The following CTNNA2 variants were observed in gnomAD, a reference collection of about 807,000 sequenced individuals.
CTNNA2 encodes catenin alpha-2.
A neutral mutation model predicts 101.0 loss-of-function variants in CTNNA2; 42 were observed. The ratio of observed to expected loss-of-function variants is 0.42; its 90% confidence interval spans 0.32 to 0.54. The LOEUF (loss-of-function observed/expected upper bound fraction) is 0.54. Ranked by LOEUF, CTNNA2 falls within the 20% of genes least tolerant of loss-of-function variation. The pLI is 0.14. For missense variants in CTNNA2, 871 were observed against 1,223.1 expected (o/e 0.71, Z 4.29); for synonymous variants, 450 against 456.4 (o/e 0.99, Z 0.18).
intron 4 of CTNNA2, among the ~76,000 whole-genome samples, chr2:79,450,910 T>A (rs1670737867): frequency 6.6e-6 from 1 of 152,132 alleles, no homozygotes; most frequent in Admixed American, 6.6e-5. Flanking sequence ...TCTAGCAGTT[T>A]AGGACATAAG....
rs36104924 is a variant in CTNNA2 at position 80,568,566 on chromosome 2, C to CGTGTGTGTGT, written c.1742-5575_1742-5566dup. On this transcript the variant is annotated intron_variant, in intron 12 of 18. Coordinates refer to ENST00000402739, the MANE Select transcript of CTNNA2 (RefSeq NM_001282597.3). ...GTATACTGAGTGCTATAATGGTGTGCGTGTGTGTGTGTGTGTGTGTGTGTG... is the reference window on the plus strand; with the variant it reads ...GTATACTGAGTGCTATAATGGTGTGCGTGTGTGTGTGTGTGTGTGTGTGTGTGTGTGTGTG... Among the ~76,000 whole-genome samples the CGTGTGTGTGT allele has an allele frequency of 2.6e-3, 384 of 149,424 alleles. 2 individuals carry two copies. Among genetic ancestry groups the CGTGTGTGTGT allele is most frequent in the East Asian group, 8.8e-3 (44 of 5,012 alleles).
intron 9 of CTNNA2, among the ~76,000 whole-genome samples, chr2:80,520,420 C>A (rs901671260): frequency 1.3e-5 from 2 of 152,086 alleles, no homozygotes; most frequent in Non-Finnish European, 2.9e-5. Flanking sequence ...GGCTGAGGGC[C>A]CTTGTCGGTT....
intron 7 of CTNNA2, among the ~76,000 whole-genome samples, chr2:79,972,380 G>A (rs1353041512): frequency 6.6e-6 from 1 of 152,126 alleles, no homozygotes; most frequent in Non-Finnish European, 1.5e-5. Context: ...AGAGTGGTGA[G>A]TATAAACATG....
intron 3 of CTNNA2, among the ~76,000 whole-genome samples, chr2:79,323,752 T>C (rs1459473528): frequency 1.3e-5 from 2 of 152,284 alleles, no homozygotes; most frequent in East Asian, 1.9e-4. Flanking sequence ...CCTGGGAAAG[T>C]CTTTTGGGTA....
intron 4 of CTNNA2, among the ~76,000 whole-genome samples, chr2:79,425,921 AAC>A (rs1391349648): frequency 4.6e-5 from 7 of 152,190 alleles, no homozygotes; most frequent in African/African-American, 1.7e-4. Context: ...TCAAATGAAT[AAC>A]ACATCCGTGG....
rs558337411 is a variant in CTNNA2, at chr2:80,370,922, AT to A, written c.1057-22283del. Among the ~76,000 whole-genome samples the A allele has an allele frequency of 7.2e-5, 11 of 152,284 alleles. No individual in the cohort carries two copies. The South Asian group carries it at 2.1e-3, about 29-fold the overall frequency. The stretch of plus-strand genomic sequence containing the variant: ...CCCAATGAAATAAGTAAATCTACAT[AT>A]TTTTTAATGCTAGGTTTGATGATGA... On this transcript the variant is annotated intron_variant, in intron 7 of 18. Transcript: ENST00000402739.
intron 3 of CTNNA2, among the ~76,000 whole-genome samples, chr2:79,774,779 A>G (rs1278639884): frequency 3.3e-5 from 5 of 152,182 alleles, no homozygotes; most frequent in Admixed American, 3.3e-4. Flanking sequence ...TTCTGGCCCA[A>G]TATTAGGAAA....
intron 7 of CTNNA2, among the ~76,000 whole-genome samples, chr2:80,246,829 C>T (rs1473071759): frequency 1.3e-5 from 2 of 152,186 alleles, no homozygotes; most frequent in East Asian, 3.8e-4. Context: ...CTCCAGGCCA[C>T]TTACATTAAC....
At chr2:80,371,488 A>G (rs1573870811) in intron 7 of CTNNA2, among the ~76,000 whole-genome samples, 1 of 150,102 alleles carries the variant, frequency 6.7e-6, no homozygotes, top group Middle Eastern at 3.4e-3. Context: ...AGAAAGATGC[A>G]TGAAGTGCAG....
intron 2 of CTNNA2, among the ~76,000 whole-genome samples, chr2:79,676,050 C>T (rs372241021): frequency 7.2e-4 from 110 of 152,274 alleles, no homozygotes; most frequent in African/African-American, 2.5e-3. Flanking sequence ...TGCCTGTTGA[C>T]CCAGCTGGTC....
At chr2:80,531,169 C>T (rs1276230674) in intron 9 of CTNNA2, among the ~76,000 whole-genome samples, 2 of 152,290 alleles carry the variant, frequency 1.3e-5, no homozygotes, top group African/African-American at 4.8e-5. Flanking sequence ...CAGGTTGTCT[C>T]CCCTACCCCA....
At chr2:80,215,958 A>G (rs1708240159) in intron 7 of CTNNA2, among the ~76,000 whole-genome samples, 1 of 152,166 alleles carries the variant, frequency 6.6e-6, no homozygotes, top group Admixed American at 6.5e-5. Flanking sequence ...AGCCTCAGCA[A>G]TGGCAGACAC....
chr2:80,051,365 G>A (rs1201469756), intron 7 of CTNNA2, among the ~76,000 whole-genome samples: 2 of 152,104 alleles, frequency 1.3e-5, no homozygotes, highest in Admixed American at 6.6e-5. Flanking sequence ...ATAATGGTTG[G>A]AACATGTTTC....
chr2:80,600,144 A>C (rs947713990), intron 15 of CTNNA2, among the ~76,000 whole-genome samples: 1 of 152,108 alleles, frequency 6.6e-6, no homozygotes, highest in African/African-American at 2.4e-5. Flanking sequence ...TTGTCCAGGG[A>C]CAATTGGTTA....
In CTNNA2 at chr2:79,231,987, A is replaced by G. The variant is rs540651832; in HGVS notation, c.-406+33911A>G. On this transcript the variant is annotated intron_variant, in intron 2 of 21. Coordinates refer to the CTNNA2 transcript ENST00000466387. ...ATCTTTGGAGTTTTCTAGGTATAGAATCATATTGTCAGCAAAGAGAGATAG... is the reference window on the plus strand; with the variant it reads ...ATCTTTGGAGTTTTCTAGGTATAGAGTCATATTGTCAGCAAAGAGAGATAG... Among the ~76,000 whole-genome samples, 10 of 152,276 alleles carry G rather than the reference A, an allele frequency of 6.6e-5. No individual in the cohort carries two copies. The East Asian group carries it at 1.9e-3, about 29-fold the overall frequency.
chr2:80,495,008 T>G (rs1444227167), intron 9 of CTNNA2, among the ~76,000 whole-genome samples: 1 of 152,192 alleles, frequency 6.6e-6, no homozygotes, highest in Non-Finnish European at 1.5e-5. Flanking sequence ...ATCTGCAGCA[T>G]GAACTGTGGT....
chr2:79,507,680 G>T (rs1671443212), intron 5 of CTNNA2, among the ~76,000 whole-genome samples: 1 of 152,156 alleles, frequency 6.6e-6, no homozygotes, highest in South Asian at 2.1e-4. Flanking sequence ...ACAGAAATAA[G>T]CTCATTAATA....
chr2:79,357,654 TC>T (rs1677537343), intron 3 of CTNNA2, among the ~76,000 whole-genome samples: 1 of 151,678 alleles, frequency 6.6e-6, no homozygotes. Context: ...AGAGTAAAAA[TC>T]AAGAAAATCA....
Position 79,263,567 on chromosome 2 carries a change from A to G in CTNNA2, c.-405-49142A>G, listed in dbSNP as rs118023279. Among the ~76,000 whole-genome samples the G allele has an allele frequency of 2.9e-3, 447 of 152,336 alleles. 12 individuals are homozygous for G. The East Asian group carries it at 0.06, about 21-fold the overall frequency. ...ATCACCCAGCCTCGGATATTTATTT[A>G]TAGCAATGCAAAAACAGACTAATAC... On this transcript the variant is annotated intron_variant, in intron 2 of 21. Transcript: ENST00000466387.
Sources: gnomAD v4.1 joint callset for allele counts (sites outside exome capture counted in the v4.1 genomes callset) on GRCh38, gnomAD v4.1.1 for gene constraint, MANE v1.5 for transcripts, NCBI Gene and HGNC (gene_info 2026-07-23, HGNC 2026-07-21) for gene names.